The following TOGARAM2 variants were observed in gnomAD, a reference collection of about 807,000 sequenced individuals.
The protein encoded by TOGARAM2 is TOG array regulator of axonemal microtubules 2.
Under a neutral mutation model 93.3 loss-of-function variants are expected in TOGARAM2, and 85 were observed. The ratio of observed to expected loss-of-function variants is 0.91; its 90% CI spans 0.76 to 1.09. The LOEUF (loss-of-function observed/expected upper bound fraction) is 1.09, where lower values mean the gene tolerates loss of function less well. TOGARAM2 is among the 50% of genes least tolerant of loss of function. The probability of loss-of-function intolerance (pLI) is 0.00; values close to 1 mark genes in which losing one functional copy is unlikely to be tolerated. For synonymous variants in TOGARAM2, 593 were observed against 552.8 expected (o/e 1.07, Z -1.02); for missense variants, 1,277 against 1,334.5 (o/e 0.96, Z 0.67).
At chr2:29,027,919 G>T (rs1394359857) in intron 14 of TOGARAM2, among the ~76,000 whole-genome samples, 2 of 152,090 alleles carry the variant, frequency 1.3e-5, no homozygotes, top group Non-Finnish European at 2.9e-5. Flanking sequence ...GTGGGGGTGA[G>T]GGTGGGCAGC....
Position 28,999,164 on chromosome 2 carries a change from A to T in TOGARAM2, c.140-17A>T. 6.3e-7 allele frequency: 1 copy of T among 1,594,060 alleles called. No homozygotes were observed. The highest frequency in any genetic ancestry group is 8.6e-7 in the Non-Finnish European group (1 of 1,168,760). Reference sequence around the variant, plus strand: ...GGGTACTGCGTGCCAAGCCATTCACACCTCTGTCCCCCTCAGGTTCTCTCC... The same window carrying T: ...GGGTACTGCGTGCCAAGCCATTCACTCCTCTGTCCCCCTCAGGTTCTCTCC... On this transcript the variant is annotated splice_polypyrimidine_tract_variant and intron_variant, in intron 3 of 19. Transcript: ENST00000379558.
intron 8 of TOGARAM2, among the ~76,000 whole-genome samples, chr2:29,016,102 T>A (rs1056615635): frequency 2.6e-4 from 40 of 152,104 alleles, no homozygotes; most frequent in African/African-American, 9.7e-4. Context: ...AATGCTCACC[T>A]CAGAAAACCT....
At position 29,017,315 on chromosome 2, in the gene TOGARAM2, C is replaced by T; in HGVS notation, c.1195+11C>T. The T allele has an allele frequency of 6.3e-7, 1 of 1,583,778 alleles. No homozygotes were observed. Among genetic ancestry groups the T allele is most frequent in the Non-Finnish European group, 8.6e-7 (1 of 1,165,764 alleles). The stretch of plus-strand genomic sequence containing the variant: ...CCTTCATGAAGGAAGGTACTGGGTG[C>T]CTGGTGTGGGATTTGCTCAGGCCTG... On this transcript the variant is annotated intron_variant, in intron 9 of 19. Coordinates refer to ENST00000379558, the MANE Select transcript of TOGARAM2 (RefSeq NM_199280.4).
chr2:29,002,798 T>C, intron 5 of TOGARAM2, 51 bp downstream of exon 5: 1 of 1,533,430 alleles, frequency 6.5e-7, no homozygotes, highest in East Asian at 2.3e-5. Flanking sequence ...TTGCCCTCCC[T>C]TCCTCCTGCC....
chr2:28,993,682 AGCTGGGCTGGGT>A lies in TOGARAM2; in HGVS notation c.-110-1026_-110-1015del, dbSNP rs753034996. Among the ~76,000 whole-genome samples, 119 of 152,278 alleles carry A rather than the reference AGCTGGGCTGGGT, an allele frequency of 7.8e-4. 1 individual carries two copies. Among genetic ancestry groups the A allele is most frequent in the African/African-American group, 2.7e-3 (112 of 41,554 alleles). ...AAGCAGTGAGACCAGGCTGGGGCCA[AGCTGGGCTGGGT>A]GCTGGGCTGGGTGCTGTGCTGGGCC... On this transcript the variant is annotated intron_variant, in intron 1 of 19. Transcript: ENST00000379558.
intron 1 of TOGARAM2, among the ~76,000 whole-genome samples, chr2:28,992,784 G>A (rs558055697): frequency 5.9e-5 from 9 of 152,310 alleles, no homozygotes; most frequent in African/African-American, 2.2e-4. Context: ...TTAAGGCTGG[G>A]TGTGGTGGCT....
intron 1 of TOGARAM2, among the ~76,000 whole-genome samples, chr2:28,987,524 C>T (rs773135950): frequency 2.6e-5 from 4 of 152,196 alleles, no homozygotes; most frequent in Non-Finnish European, 5.9e-5. Context: ...CTCCTGACCT[C>T]GTGATCCGCC....
chr2:29,012,980 T>C (rs1410757924), intron 7 of TOGARAM2, among the ~76,000 whole-genome samples: 9 of 152,184 alleles, frequency 5.9e-5, no homozygotes, highest in Admixed American at 2.0e-4. Flanking sequence ...GCAGAAGACA[T>C]GGCCTGGGCA....
chr2:29,039,459 C>G (rs1185170356), intron 18 of TOGARAM2, among the ~76,000 whole-genome samples: 1 of 152,136 alleles, frequency 6.6e-6, no homozygotes, highest in Non-Finnish European at 1.5e-5. Flanking sequence ...ATGGCACAGC[C>G]AAGTCGGGAG....
chr2:29,029,615 G>A (rs939692898), intron 14 of TOGARAM2, among the ~76,000 whole-genome samples: 2 of 150,058 alleles, frequency 1.3e-5, no homozygotes, highest in Non-Finnish European at 1.5e-5. Context: ...AATTAGCCAG[G>A]TGTGGTGGCG....
intron 18 of TOGARAM2, among the ~76,000 whole-genome samples, chr2:29,042,000 T>A (rs1666467242): frequency 6.6e-6 from 1 of 152,230 alleles, no homozygotes; most frequent in African/African-American, 2.4e-5. Flanking sequence ...GCTATTAGTA[T>A]CATCCCCATT....
Position 29,003,479 on chromosome 2 carries a change from C to T in TOGARAM2, c.640-13C>T. On this transcript the variant is annotated splice_polypyrimidine_tract_variant and intron_variant, in intron 5 of 19. Transcript: ENST00000379558. ...TGCCATAGGCCAGACCCCTGTCCCG[C>T]CTCTGCTCCCAGGCGCAGATCTCCT... 6.7e-7 allele frequency: 1 copy of T among 1,493,116 alleles called. No individual in the cohort carries two copies. Among genetic ancestry groups the T allele is most frequent in the South Asian group, 1.3e-5 (1 of 74,434 alleles). 92.5% of individuals were successfully genotyped at this position (1,493,116 alleles called of 1,614,324 possible).
chr2:29,045,470 C>A, intron 19 of TOGARAM2, 60 bp downstream of exon 19: 1 of 1,303,796 alleles, frequency 7.7e-7, no homozygotes, highest in Non-Finnish European at 1.1e-6. Flanking sequence ...CTCTCCTGGT[C>A]TGTGGTTGAA....
At chr2:29,028,717 G>C (rs1186806880) in intron 14 of TOGARAM2, among the ~76,000 whole-genome samples, 1 of 152,200 alleles carries the variant, frequency 6.6e-6, no homozygotes, top group African/African-American at 2.4e-5. Context: ...GTCCAGGCAA[G>C]AGGGGCTGGA....
At chr2:28,968,841 C>CAAAAAAAAAA in intron 1 of TOGARAM2, among the ~76,000 whole-genome samples, 1 of 64,920 alleles carries the variant, frequency 1.5e-5, no homozygotes. Flanking sequence ...AAAAAAAAAA[C>CAAAAAAAAAA]AAGGAAAAAG....
chr2:29,035,513 G>T lies in TOGARAM2; in HGVS notation c.2275G>T (p.Gly759Cys). Reference protein sequence around the residue: ...RLVGLRSTLQGRGEMVEQLRE... With the variant: ...RLVGLRSTLQCRGEMVEQLRE... ...GGTGGGGCTGCGCTCCACACTGCAG[G>T]GCCGCGGGGAGATGGTGGAGCAGCT... Residue 759 changes from glycine (G) to cysteine (C), a missense_variant, in exon 17 of 20, where the codon GGC (glycine) becomes TGC (cysteine). Coordinates refer to ENST00000379558, the MANE Select transcript of TOGARAM2 (RefSeq NM_199280.4). 6.5e-7 allele frequency: 1 copy of T among 1,546,540 alleles called. No homozygotes were observed. The highest frequency in any genetic ancestry group is 1.4e-5 in the African/African-American group (1 of 73,628).
intron 14 of TOGARAM2, among the ~76,000 whole-genome samples, chr2:29,032,247 G>A (rs1289155336): frequency 3.9e-5 from 6 of 152,140 alleles, no homozygotes; most frequent in African/African-American, 1.4e-4. Flanking sequence ...TCTGCTTCCT[G>A]TGTCCAACCT....
rs775417129 is a variant in TOGARAM2, at chr2:29,014,377, CT to C, written c.878-17del. ...GACCTGGGTGTCTTCAGCTCCACCC[CT>C]GTTCTCAACCCCTCAGAGCCAAAAC... On this transcript the variant is annotated splice_polypyrimidine_tract_variant and intron_variant, in intron 7 of 19. Coordinates refer to ENST00000379558, the MANE Select transcript of TOGARAM2 (RefSeq NM_199280.4). 18 of 1,608,216 alleles carry C rather than the reference CT, an allele frequency of 1.1e-5. No homozygotes were observed. In the East Asian group the frequency reaches 3.8e-4, roughly 34 times the overall value.
rs371862632 is a variant in TOGARAM2, at chr2:28,992,451, T to C, written c.-110-2274T>C. Among the ~76,000 whole-genome samples the C allele has an allele frequency of 5.9e-5, 9 of 152,254 alleles. 1 individual carries two copies. The highest frequency in any genetic ancestry group is 2.2e-4 in the African/African-American group (9 of 41,550). On this transcript the variant is annotated intron_variant, in intron 1 of 19. Coordinates refer to ENST00000379558, the MANE Select transcript of TOGARAM2 (RefSeq NM_199280.4). The stretch of plus-strand genomic sequence containing the variant: ...ATGGCTCCAGATTTCCTTTCCATAC[T>C]GCTGGTGTCCTGGGACCAGGGGGAA...
Sources: gnomAD v4.1 joint callset for allele counts (sites outside exome capture counted in the v4.1 genomes callset) on GRCh38, gnomAD v4.1.1 for gene constraint, MANE v1.5 for transcripts, NCBI Gene and HGNC (gene_info 2026-07-23, HGNC 2026-07-21) for gene names.